The following BPTF variants were observed in gnomAD, a reference collection of about 807,000 sequenced individuals.
BPTF encodes bromodomain PHD finger transcription factor.
In BPTF, 18 loss-of-function variants were observed where a neutral mutation model predicts 292.5. The observed-to-expected ratio is 0.06, with a 90% CI of 0.04 to 0.09. BPTF has a LOEUF of 0.09. BPTF is among the 10% of genes least tolerant of loss of function. The pLI is 1.00. For synonymous variants in BPTF, 1,225 were observed against 1,251.9 expected (o/e 0.98, Z 0.45); for missense variants, 2,726 against 3,498.7 (o/e 0.78, Z 5.57).
At chr17:67,855,695 T>A (rs2058650039) in intron 2 of BPTF, among the ~76,000 whole-genome samples, 1 of 152,196 alleles carries the variant, frequency 6.6e-6, no homozygotes, top group Non-Finnish European at 1.5e-5. Flanking sequence ...GTATCTGACA[T>A]CCTGTAGATA....
At chr17:67,894,768 A>C (rs1040285248) in intron 7 of BPTF, among the ~76,000 whole-genome samples, 2 of 152,212 alleles carry the variant, frequency 1.3e-5, no homozygotes, top group African/African-American at 4.8e-5. Flanking sequence ...GTATTCTGGA[A>C]TCTTGTAGGC....
intron 19 of BPTF, 150 bp from the exon 20 acceptor site, chr17:67,944,000 C>G: frequency 3.0e-6 from 2 of 677,790 alleles, no homozygotes; most frequent in Non-Finnish European, 5.0e-6. Flanking sequence ...AATATTCTTA[C>G]TTTAGCTTAT....
intron 18 of BPTF, among the ~76,000 whole-genome samples, chr17:67,932,297 A>G (rs1598746627): frequency 6.6e-6 from 1 of 152,272 alleles, no homozygotes; most frequent in South Asian, 2.1e-4. Flanking sequence ...ATAGCAAAAG[A>G]CAGAAAATCA....
chr17:67,852,895 G>A (rs9902203), intron 1 of BPTF, among the ~76,000 whole-genome samples: 8 of 152,190 alleles, frequency 5.3e-5, no homozygotes, highest in Admixed American at 5.2e-4. Context: ...TGGCACTTTG[G>A]CAGGCCGAGG....
chr17:67,948,871 C>T (rs2066012380), intron 23 of BPTF, among the ~76,000 whole-genome samples: 1 of 152,178 alleles, frequency 6.6e-6, no homozygotes, highest in African/African-American at 2.4e-5. Flanking sequence ...AGCCCAGGTA[C>T]TCGAGAGGCT....
intron 26 of BPTF, 44 bp from the exon 27 acceptor site, chr17:67,975,728 A>G (rs1555693510): frequency 1.3e-6 from 2 of 1,535,288 alleles, no homozygotes; most frequent in South Asian, 1.2e-5. Flanking sequence ...CACATTGGAA[A>G]AACCTTAAAG....
intron 23 of BPTF, among the ~76,000 whole-genome samples, chr17:67,952,054 CAAAAAAAAAA>C (rs56099409): frequency 1.4e-5 from 1 of 71,386 alleles, no homozygotes; most frequent in Non-Finnish European, 2.5e-5. Context: ...GACTCTGTCT[CAAAAAAAAAA>C]AAAAAAAAAA....
At chr17:67,857,255 G>A (rs1223536138) in intron 2 of BPTF, among the ~76,000 whole-genome samples, 12 of 144,924 alleles carry the variant, frequency 8.3e-5, no homozygotes, top group African/African-American at 2.8e-4. Flanking sequence ...TCCGCCTCCC[G>A]GGTTCACACC....
Position 67,911,240 on chromosome 17 carries a change from C to T in BPTF, c.3356C>T (p.Ser1119Leu), listed in dbSNP as rs946963236. ...GCAAAAGAAGGGTGTCAGAGTGACTCGATGAGACAAGAACAGAGCCCAAAT... is the reference window on the plus strand; with the variant it reads ...GCAAAAGAAGGGTGTCAGAGTGACTTGATGAGACAAGAACAGAGCCCAAAT... Reference protein sequence around the residue: ...TKAKEGCQSDSMRQEQSPNAN... With the variant: ...TKAKEGCQSDLMRQEQSPNAN... The change falls in exon 11 of 28, where the codon TCG becomes TTG. Residue 1119 changes from serine (S) to leucine (L), a missense_variant. Transcript: ENST00000306378. 6.8e-6 allele frequency: 11 copies of T among 1,613,786 alleles called. No individual in the cohort carries two copies. The highest frequency in any genetic ancestry group is 4.4e-5 in the South Asian group (4 of 91,068).
chr17:67,973,696 G>A lies in BPTF; in HGVS notation c.8540-2076G>A, dbSNP rs529035383. The stretch of plus-strand genomic sequence containing the variant: ...TATTTTTGCATTTTTAGTAGAGACA[G>A]GGTTTCGCTGTGTTGGCCAGGGTGG... On this transcript the variant is annotated intron_variant, in intron 26 of 27. Coordinates refer to ENST00000306378, the MANE Select transcript of BPTF (RefSeq NM_182641.4). 5.9e-5 allele frequency among the ~76,000 whole-genome samples: 9 copies of A among 152,030 alleles called. 1 individual carries two copies. The South Asian group carries it at 1.9e-3, about 32-fold the overall frequency.
chr17:67,826,451 C>G (rs1158176021), intron 1 of BPTF, 114 bp downstream of exon 1: 1 of 1,171,320 alleles, frequency 8.5e-7, no homozygotes, highest in African/African-American at 1.6e-5. Flanking sequence ...CCGCCTCCCC[C>G]CCAAACAGAG....
intron 7 of BPTF, among the ~76,000 whole-genome samples, chr17:67,894,617 C>T (rs907575340): frequency 2.0e-5 from 3 of 152,036 alleles, no homozygotes; most frequent in Admixed American, 6.6e-5. Flanking sequence ...TGTGAGCCAC[C>T]GCACCCACCA....
intron 26 of BPTF, among the ~76,000 whole-genome samples, chr17:67,968,270 A>G (rs2068352626): frequency 6.6e-6 from 1 of 151,448 alleles, no homozygotes; most frequent in South Asian, 2.1e-4. Flanking sequence ...AGGGGGAAAC[A>G]TGAAGTGGAA....
At chr17:67,949,486 AATCGT>A (rs1351894316) in intron 23 of BPTF, among the ~76,000 whole-genome samples, 1 of 151,648 alleles carries the variant, frequency 6.6e-6, no homozygotes, top group Non-Finnish European at 1.5e-5. Flanking sequence ...GAGGCAGGAT[AATCGT>A]TTGAACCTGG....
In BPTF at chr17:67,975,773, C is replaced by T; in HGVS notation, c.8541C>T (p.Asp2847=). 1 of 1,607,938 alleles carries T rather than the reference C, an allele frequency of 6.2e-7. No individual in the cohort carries two copies. ...DYYGVIKEPM[D]LATMEERVQR... is the part of the protein sequence containing the mutation. ...TGTTTTACATTTTGTGTTTTTAAGA[C>T]CTTGCCACCATGGAAGAAAGAGTAC... is the stretch of plus-strand genomic sequence containing the variant. The change falls in exon 27 of 28, where the codon GAC becomes GAT. Residue 2847 remains aspartate (D), a splice_region_variant and synonymous_variant. Transcript: ENST00000306378.
At chr17:67,893,260 TCTTAA>T (rs1258293979) in intron 5 of BPTF, 105 bp from the exon 6 acceptor site, 1 of 735,518 alleles carries the variant, frequency 1.4e-6, no homozygotes, top group African/African-American at 1.8e-5. Context: ...ATAAGATTTA[TCTTAA>T]CTTACTTTGA....
intron 11 of BPTF, among the ~76,000 whole-genome samples, chr17:67,914,992 T>C (rs2062888270): frequency 6.6e-6 from 1 of 152,172 alleles, no homozygotes; most frequent in Non-Finnish European, 1.5e-5. Context: ...AAATTGATCA[T>C]GACTTTAGAA....
At chr17:67,908,200 C>A (rs1355107107) in intron 9 of BPTF, among the ~76,000 whole-genome samples, 1 of 152,106 alleles carries the variant, frequency 6.6e-6, no homozygotes, top group Non-Finnish European at 1.5e-5. Flanking sequence ...GCTCTGTCAG[C>A]CAGGCTGGAG....
chr17:67,971,227 C>T (rs1010663621), intron 26 of BPTF, among the ~76,000 whole-genome samples: 2 of 152,114 alleles, frequency 1.3e-5, no homozygotes, highest in Non-Finnish European at 2.9e-5. Flanking sequence ...TACAGGCATG[C>T]GCCACCACAC....
Sources: gnomAD v4.1 joint callset for allele counts (sites outside exome capture counted in the v4.1 genomes callset) on GRCh38, gnomAD v4.1.1 for gene constraint, MANE v1.5 for transcripts, NCBI Gene and HGNC (gene_info 2026-07-23, HGNC 2026-07-21) for gene names.